The following PCSK6 variants were observed in gnomAD, a reference collection of about 807,000 sequenced individuals.
PCSK6 encodes paired basic amino acid cleaving enzyme 4.
PCSK6 carries 85 observed loss-of-function variants against 123.3 expected under a neutral mutation model. The ratio of observed to expected loss-of-function variants is 0.69; its 90% CI spans 0.58 to 0.83. The LOEUF (loss-of-function observed/expected upper bound fraction) is 0.83, where lower values mean the gene tolerates loss of function less well. Ranked by LOEUF, PCSK6 falls within the 40% of genes least tolerant of loss-of-function variation. The probability of loss-of-function intolerance (pLI) is 0.00; values close to 1 mark genes in which losing one functional copy is unlikely to be tolerated. For missense variants in PCSK6, 1,191 were observed against 1,282.3 expected (o/e 0.93, Z 1.09); for synonymous variants, 508 against 516.0 (o/e 0.98, Z 0.21).
At chr15:101,435,133 G>A (rs1022629189) in intron 2 of PCSK6, among the ~76,000 whole-genome samples, 17 of 152,126 alleles carry the variant, frequency 1.1e-4, no homozygotes, top group East Asian at 1.9e-4. Context: ...ATGCCCCCTC[G>A]GGGTGAAACC....
In PCSK6 at chr15:101,398,579, G is replaced by A. The variant is rs372761303; in HGVS notation, c.824-3C>T. 9.8e-5 allele frequency: 157 copies of A among 1,610,202 alleles called. No homozygotes were observed. The highest frequency in any genetic ancestry group is 1.3e-4 in the Non-Finnish European group (152 of 1,178,216). On this transcript the variant is annotated splice_polypyrimidine_tract_variant and splice_region_variant and intron_variant, in intron 6 of 21. Coordinates refer to ENST00000611716, the MANE Select transcript of PCSK6 (RefSeq NM_002570.5). The surrounding 1 kb of genome is among the most constrained non-coding windows in gnomAD (Gnocchi z 4.6). ...ATCGCCGTCCAGCATGCGGATGCCTGAAAGCACAGAGGAGGCTCGGTGTCG... is the reference window on the plus strand; with the variant it reads ...ATCGCCGTCCAGCATGCGGATGCCTAAAAGCACAGAGGAGGCTCGGTGTCG...
chr15:101,333,001 G>A (rs2040402197), intron 13 of PCSK6, among the ~76,000 whole-genome samples: 2 of 152,332 alleles, frequency 1.3e-5, no homozygotes, highest in Middle Eastern at 3.4e-3. Flanking sequence ...ACTTAATGAT[G>A]GGGCTATGTT....
rs368159854 is a variant in PCSK6, at chr15:101,422,771, G to A, written c.823+5121C>T. Among the ~76,000 whole-genome samples, 16 of 152,192 alleles carry A rather than the reference G, an allele frequency of 1.1e-4. No individual in the cohort carries two copies. In the East Asian group the frequency reaches 1.2e-3, roughly 11 times the overall value. ...CAAGTAGCTGGGACTGCAGGCGCCC[G>A]CCACCGCGCCCGGCTAATTTTTTGC... is the stretch of plus-strand genomic sequence containing the variant. On this transcript the variant is annotated intron_variant, in intron 6 of 21. Coordinates refer to ENST00000611716, the MANE Select transcript of PCSK6 (RefSeq NM_002570.5).
chr15:101,438,591 C>T (rs1025722182), intron 2 of PCSK6, among the ~76,000 whole-genome samples: 2 of 152,212 alleles, frequency 1.3e-5, no homozygotes, highest in Admixed American at 6.5e-5. Flanking sequence ...CCGAGGCATC[C>T]GCACAGCAGC....
chr15:101,318,530 C>A, intron 18 of PCSK6, 108 bp from the exon 19 acceptor site: 3 of 900,246 alleles, frequency 3.3e-6, no homozygotes, highest in Non-Finnish European at 5.2e-6. Context: ...AGGCACAGTT[C>A]TTTGTGTCAC....
At position 101,366,219 on chromosome 15, in the gene PCSK6, T is replaced by G. The variant is rs1171906997; in HGVS notation, c.1835A>C (p.Gln612Pro). Residue 612 changes from glutamine to proline, a missense_variant, in exon 13 of 22, where the codon CAG (glutamine) becomes CCG (proline). This residue lies in a region of PCSK6 where 630 missense variants were observed against 631.4 expected (regional missense o/e 1.00). Coordinates refer to ENST00000611716, the MANE Select transcript of PCSK6 (RefSeq NM_002570.5). ...ACCTTGCTTCTCCGGGTTGCGGACC[T>G]GGGATGGCAGATCTTGGATTTCCAA... ...WTLEIQDLPS[Q>P]VRNPEKQGKL... The G allele has an allele frequency of 6.2e-7, 1 of 1,612,824 alleles. No homozygotes were observed. The highest frequency in any genetic ancestry group is 1.3e-5 in the African/African-American group (1 of 74,860).
intron 1 of PCSK6, among the ~76,000 whole-genome samples, chr15:101,474,859 C>G (rs2057692022): frequency 6.6e-6 from 1 of 152,210 alleles, no homozygotes; most frequent in Admixed American, 6.5e-5. Flanking sequence ...ACCTCAACAC[C>G]CTCTGTTGGT....
In PCSK6 at chr15:101,374,318, T is replaced by A. The variant is rs2041672920; in HGVS notation, c.1533-3795A>T. The stretch of plus-strand genomic sequence containing the variant: ...TTTTCCAATGCATAATACTATCTAA[T>A]AGCAAAAATAAATATTTTCAAGTAA... On this transcript the variant is annotated intron_variant, in intron 11 of 21. Coordinates refer to ENST00000611716, the MANE Select transcript of PCSK6 (RefSeq NM_002570.5). Among the ~76,000 whole-genome samples, 4 of 152,054 alleles carry A rather than the reference T, an allele frequency of 2.6e-5. No individual in the cohort carries two copies. The South Asian group carries it at 8.3e-4, about 32-fold the overall frequency.
chr15:101,389,342 A>G, intron 9 of PCSK6, 122 bp downstream of exon 9: 1 of 749,966 alleles, frequency 1.3e-6, no homozygotes, highest in Non-Finnish European at 2.4e-6. Context: ...TGCACGACTC[A>G]CTGAATGTGC....
intron 11 of PCSK6, 35 bp from the exon 12 acceptor site, chr15:101,370,558 G>T: frequency 7.1e-7 from 1 of 1,402,588 alleles, no homozygotes; most frequent in Non-Finnish European, 9.3e-7. Context: ...ACTTGGCACC[G>T]GAAGCATGAA....
chr15:101,329,434 T>C (rs1042996931), intron 15 of PCSK6, among the ~76,000 whole-genome samples: 1 of 152,174 alleles, frequency 6.6e-6, no homozygotes, highest in Non-Finnish European at 1.5e-5. Flanking sequence ...GGCCGATTAA[T>C]TGCAGACAAG....
intron 20 of PCSK6, among the ~76,000 whole-genome samples, chr15:101,312,726 G>A (rs1486464649): frequency 1.3e-5 from 2 of 152,174 alleles, no homozygotes; most frequent in African/African-American, 4.8e-5. Context: ...CAGCTACTCG[G>A]CAGGTTGAGG....
At chr15:101,366,480 G>T (rs909105797) in intron 12 of PCSK6, 148 bp from the exon 13 acceptor site, 10 of 641,922 alleles carry the variant, frequency 1.6e-5, no homozygotes, top group African/African-American at 3.7e-5. Context: ...CAGCCAACCC[G>T]AGGGCAAAGG....
At chr15:101,358,836 G>A (rs1445566903) in intron 13 of PCSK6, among the ~76,000 whole-genome samples, 3 of 152,184 alleles carry the variant, frequency 2.0e-5, no homozygotes, top group Non-Finnish European at 2.9e-5. Context: ...GGATCCAGCC[G>A]CCATGCTGAA....
intron 6 of PCSK6, among the ~76,000 whole-genome samples, chr15:101,426,133 C>T (rs1359779710): frequency 1.3e-5 from 2 of 152,206 alleles, no homozygotes; most frequent in African/African-American, 4.8e-5. Flanking sequence ...CTCAAAGCAA[C>T]ACAAATGGTT....
chr15:101,435,085 C>A (rs1161800369), intron 2 of PCSK6, among the ~76,000 whole-genome samples: 1 of 152,144 alleles, frequency 6.6e-6, no homozygotes, highest in Non-Finnish European at 1.5e-5. Flanking sequence ...AGTGCCTCCC[C>A]CTCCCATCCC....
In PCSK6 at chr15:101,430,037, G is replaced by A. The variant is rs367591586; in HGVS notation, c.684C>T (p.Asn228=). 371 of 1,613,858 alleles carry A rather than the reference G, an allele frequency of 2.3e-4. 4 individuals carry two copies. The South Asian group carries it at 3.1e-3, about 13-fold the overall frequency. ...GTGGAGATGGGTCATAATCATTGCC[G>A]TTCACGTCGTAGCTGGCGTAGGAAT... is the stretch of plus-strand genomic sequence containing the variant. ...NYDSYASYDV[N]GNDYDPSPRY... is the part of the protein sequence containing the mutation. The change falls in exon 5 of 22, where the codon AAC becomes AAT. Residue 228 remains asparagine, a synonymous_variant. Transcript: ENST00000611716.
chr15:101,372,178 T>C (rs1053401731), intron 11 of PCSK6, among the ~76,000 whole-genome samples: 1 of 152,014 alleles, frequency 6.6e-6, no homozygotes, highest in Non-Finnish European at 1.5e-5. Context: ...TGAAGAAACA[T>C]GGCATTCTTC....
At chr15:101,306,764 G>A (rs770783213) in intron 21 of PCSK6, among the ~76,000 whole-genome samples, 6 of 152,242 alleles carry the variant, frequency 3.9e-5, no homozygotes, top group Admixed American at 6.5e-5. Flanking sequence ...GATCCCTGCA[G>A]AGCTGGGATT....
Sources: allele counts gnomAD v4.1 joint callset (sites outside exome capture counted in the v4.1 genomes callset), GRCh38; gene constraint gnomAD v4.1.1; regional missense constraint gnomAD v4.1.1; non-coding constraint Gnocchi (gnomAD v3.1); transcripts MANE v1.5; gene names NCBI Gene and HGNC (gene_info 2026-07-23, HGNC 2026-07-21).